SPICE1: variants seen among roughly 807,000 people sequenced by gnomAD.
The protein encoded by SPICE1 is spindle and centriole-associated protein 1.
Under a neutral mutation model 102.7 loss-of-function variants are expected in SPICE1, and 75 were observed. That is an observed-to-expected ratio of 0.73 (90% CI 0.61 to 0.88). The LOEUF (loss-of-function observed/expected upper bound fraction) is 0.88, where lower values mean the gene tolerates loss of function less well. Among genes scored for constraint, SPICE1 ranks in the 40% least tolerant of loss-of-function variants. The pLI, the probability that SPICE1 is intolerant of heterozygous loss-of-function variation, is 0.00. For synonymous variants in SPICE1, 308 were observed against 350.3 expected (o/e 0.88, Z 1.35); for missense variants, 979 against 1,020.1 (o/e 0.96, Z 0.55).
At chr3:113,506,450 A>G (rs1937113349) in intron 2 of SPICE1, 57 bp downstream of exon 2, 1 of 1,366,146 alleles carries the variant, frequency 7.3e-7, no homozygotes, top group African/African-American at 1.4e-5. Flanking sequence ...GGGCCATATC[A>G]CTGTGTCCAT....
rs1471768232 is a variant in SPICE1 at position 113,458,602 on chromosome 3, T to G, written c.1436-1245A>C. Among the ~76,000 whole-genome samples the G allele has an allele frequency of 3.9e-5, 6 of 152,258 alleles. No individual in the cohort carries two copies. In the East Asian group the frequency reaches 1.2e-3, roughly 29 times the overall value. Reference sequence around the variant, plus strand: ...AGCCACCTGCCTTGGCCTCCCAAAGTGCCGAGATTGCAGCCTCTGCCCGGC... The same window carrying G: ...AGCCACCTGCCTTGGCCTCCCAAAGGGCCGAGATTGCAGCCTCTGCCCGGC... On this transcript the variant is annotated intron_variant, in intron 12 of 17. Transcript: ENST00000295872.
At chr3:113,452,021 G>T (rs1304640515) in intron 14 of SPICE1, among the ~76,000 whole-genome samples, 1 of 152,088 alleles carries the variant, frequency 6.6e-6, no homozygotes, top group African/African-American at 2.4e-5. Context: ...AACTTGACAG[G>T]AGCGGCCTTG....
chr3:113,494,096 T>A lies in SPICE1; in HGVS notation c.338A>T (p.Asp113Val). Residue 113 changes from aspartate to valine, a missense_variant, in exon 5 of 18, where the codon GAT (aspartate) becomes GTT (valine). Coordinates refer to ENST00000295872, the MANE Select transcript of SPICE1 (RefSeq NM_144718.4). ...YQMQDVLEKS[D>V]HLIAAAKELF... ...CTCTTTTGCTGCAGCTATTAGATGA[T>A]CAGATTTCTCCAACACATCTTGCAT... 6.2e-7 allele frequency: 1 copy of A among 1,612,874 alleles called. No individual in the cohort carries two copies. Among genetic ancestry groups the A allele is most frequent in the Non-Finnish European group, 8.5e-7 (1 of 1,179,768 alleles).
At position 113,450,421 on chromosome 3, in the gene SPICE1, C is replaced by T. The variant is rs1414800830; in HGVS notation, c.2238G>A (p.Leu746=). The change falls in exon 15 of 18, where the codon CTG becomes CTA. Residue 746 remains leucine, a synonymous_variant. Coordinates refer to ENST00000295872, the MANE Select transcript of SPICE1 (RefSeq NM_144718.4). ...CAAGTTTCTGCTGCTCTATCAACTGCAGTAGTTTTCCACGAGCCTCCATAC... is the reference window on the plus strand; with the variant it reads ...CAAGTTTCTGCTGCTCTATCAACTGTAGTAGTTTTCCACGAGCCTCCATAC... ...RQSMEARGKL[L]QLIEQQKLVG... The T allele has an allele frequency of 6.2e-7, 1 of 1,613,926 alleles. No individual in the cohort carries two copies. The highest frequency in any genetic ancestry group is 8.5e-7 in the Non-Finnish European group (1 of 1,180,020).
chr3:113,503,743 G>A (rs1453981860), intron 2 of SPICE1, among the ~76,000 whole-genome samples: 1 of 151,894 alleles, frequency 6.6e-6, no homozygotes, highest in East Asian at 1.9e-4. Context: ...GAACAGCCAG[G>A]CCAACATGGC....
At chr3:113,485,994 C>T (rs574631994) in intron 7 of SPICE1, among the ~76,000 whole-genome samples, 16 of 152,124 alleles carry the variant, frequency 1.1e-4, no homozygotes, top group African/African-American at 3.9e-4. Flanking sequence ...TGCCTGTAAT[C>T]CAGTTTCCTG....
At chr3:113,484,368 C>T (rs562733515) in intron 7 of SPICE1, among the ~76,000 whole-genome samples, 51 of 152,064 alleles carry the variant, frequency 3.4e-4, no homozygotes, top group African/African-American at 1.2e-3. Context: ...TTTTTCATGT[C>T]TCTATCCCCT....
intron 10 of SPICE1, among the ~76,000 whole-genome samples, chr3:113,467,678 T>G (rs1397288705): frequency 6.6e-6 from 1 of 152,196 alleles, no homozygotes; most frequent in South Asian, 2.1e-4. Context: ...TGAAGCCATA[T>G]GTGAGTTACC....
Position 113,457,288 on chromosome 3 carries a change from T to C in SPICE1, c.1505A>G (p.Gln502Arg). ...MFREEVAEFP[Q>R]EELPVKLSQV... ...AGACAGTTTAACGGGCAACTCTTCC[T>C]GTGGGAATTCAGCCACTTCCTCTCT... The change falls in exon 13 of 18, where the codon CAG (glutamine) becomes CGG (arginine). Residue 502 changes from glutamine (Q) to arginine (R), a missense_variant. By Grantham distance (43) the Gln-to-Arg change is conservative (BLOSUM62 1). Coordinates refer to ENST00000295872, the MANE Select transcript of SPICE1 (RefSeq NM_144718.4). 1.9e-6 allele frequency: 3 copies of C among 1,614,214 alleles called. No individual in the cohort carries two copies. The highest frequency in any genetic ancestry group is 2.2e-5 in the South Asian group (2 of 91,082).
In SPICE1 at chr3:113,460,048, C is replaced by A. The variant is rs1935889929; in HGVS notation, c.1435+569G>T. 9.1e-6 allele frequency: 9 copies of A among 985,252 alleles called. No individual in the cohort carries two copies. The South Asian group carries it at 4.2e-4, about 46-fold the overall frequency. The allele number at this position is 985,252 out of a possible 1,614,324, so 61.0% of individuals were successfully genotyped here. ...AAACACTTTTCTTACAGATACTCAT[C>A]AAAGTCTTACTTAAAAGTAAAACAC... On this transcript the variant is annotated intron_variant, in intron 12 of 17. Coordinates refer to ENST00000295872, the MANE Select transcript of SPICE1 (RefSeq NM_144718.4).
rs769748582 is a variant in SPICE1 at position 113,489,032 on chromosome 3, CCTT to C, written c.521_523del (p.Glu174del). The C allele has an allele frequency of 3.7e-6, 6 of 1,612,904 alleles. No individual in the cohort carries two copies. The highest frequency in any genetic ancestry group is 1.7e-5 in the Admixed American group (1 of 60,020). ...TTCTCCTGACTGGCTATTAACAGTT[CCTT>C]CTTCTTCACCATCTACATCATTAAG... On this transcript the variant is annotated inframe_deletion, in exon 7 of 18. Transcript: ENST00000295872.
At position 113,478,459 on chromosome 3, in the gene SPICE1, T is replaced by C. The variant is rs1339546479; in HGVS notation, c.612-9221A>G. Among the ~76,000 whole-genome samples, 4 of 152,072 alleles carry C rather than the reference T, an allele frequency of 2.6e-5. No individual in the cohort carries two copies. In the East Asian group the frequency reaches 7.7e-4, roughly 29 times the overall value. On this transcript the variant is annotated intron_variant, in intron 7 of 17. Transcript: ENST00000295872. ...GATATTAGATGAAGTAGAAATGAAGTCAAAAGGTATTAAATGTGACAAAGC... is the reference window on the plus strand; with the variant it reads ...GATATTAGATGAAGTAGAAATGAAGCCAAAAGGTATTAAATGTGACAAAGC...
At chr3:113,480,773 AGAGGCTGAGG>A (rs1408029727) in intron 7 of SPICE1, among the ~76,000 whole-genome samples, 3 of 151,950 alleles carry the variant, frequency 2.0e-5, no homozygotes, top group Non-Finnish European at 4.4e-5. Flanking sequence ...CCCGGCTACT[AGAGGCTGAGG>A]GAGGCTGAGG....
At chr3:113,489,166 G>GC in intron 6 of SPICE1, 103 bp from the exon 7 acceptor site, 1 of 661,550 alleles carries the variant, frequency 1.5e-6, no homozygotes, top group Non-Finnish European at 2.6e-6. Flanking sequence ...CTCCTCCTAA[G>GC]CCCTCCACAT....
At chr3:113,445,739 A>G (rs1935497384) in intron 17 of SPICE1, among the ~76,000 whole-genome samples, 1 of 152,212 alleles carries the variant, frequency 6.6e-6, no homozygotes, top group African/African-American at 2.4e-5. Context: ...TTTGTAGAAT[A>G]TAAGAAGTAG....
In SPICE1 at chr3:113,506,571, C is replaced by A; in HGVS notation, c.35G>T (p.Arg12Leu). ...SFVRVNRCGP[R>L]VGVRKTPKVK... is the part of the protein sequence containing the mutation. ...TTTCGGTGTCTTTCTTACACCAACT[C>A]GGGGACCACAGCGGTTCACTCTGAC... The change falls in exon 2 of 18, where the codon CGA becomes CTA. Residue 12 changes from arginine (R) to leucine (L), a missense_variant. Physicochemically the swap from Arg to Leu is moderately radical, Grantham distance 102. Coordinates refer to ENST00000295872, the MANE Select transcript of SPICE1 (RefSeq NM_144718.4). 2.5e-6 allele frequency: 4 copies of A among 1,613,292 alleles called. No individual in the cohort carries two copies. The highest frequency in any genetic ancestry group is 3.4e-6 in the Non-Finnish European group (4 of 1,179,800).
chr3:113,448,137 C>T lies in SPICE1; in HGVS notation c.2327G>A (p.Gly776Glu). ...VQLPLRAWTE[G>E]AKRTIEVSIP... Reference sequence around the variant, plus strand: ...AGATACCTCAATTGTCCTCTTTGCTCCTTCTAAAATATAAAAATAAATATT... The same window carrying T: ...AGATACCTCAATTGTCCTCTTTGCTTCTTCTAAAATATAAAAATAAATATT... Residue 776 changes from glycine (G) to glutamate (E), a missense_variant, in exon 16 of 18, where the codon GGA (glycine) becomes GAA (glutamate). Transcript: ENST00000295872. The T allele has an allele frequency of 6.3e-7, 1 of 1,595,408 alleles. No individual in the cohort carries two copies. Among genetic ancestry groups the T allele is most frequent in the South Asian group, 1.2e-5 (1 of 86,362 alleles).
At chr3:113,485,764 G>A (rs1010114906) in intron 7 of SPICE1, among the ~76,000 whole-genome samples, 1 of 152,156 alleles carries the variant, frequency 6.6e-6, no homozygotes, top group Non-Finnish European at 1.5e-5. Context: ...TCATAAAGAT[G>A]CCAGTTCTCT....
chr3:113,501,010 T>C (rs1460283139), intron 3 of SPICE1, among the ~76,000 whole-genome samples: 3 of 152,162 alleles, frequency 2.0e-5, no homozygotes, highest in Non-Finnish European at 4.4e-5. Flanking sequence ...GACTTCAAAC[T>C]TACTATAAAA....
Sources: allele counts gnomAD v4.1 joint callset (sites outside exome capture counted in the v4.1 genomes callset), GRCh38; gene constraint gnomAD v4.1.1; transcripts MANE v1.5; gene names NCBI Gene and HGNC (gene_info 2026-07-23, HGNC 2026-07-21).